The following PSD3 variants were observed in gnomAD, a reference collection of about 807,000 sequenced individuals.
The protein encoded by PSD3 is PH and SEC7 domain-containing protein 3.
A neutral mutation model predicts 105.5 loss-of-function variants in PSD3; 49 were observed. That is an observed-to-expected ratio of 0.46 (90% CI 0.37 to 0.59). The LOEUF is 0.59. Among genes scored for constraint, PSD3 ranks in the 20% least tolerant of loss-of-function variants. The probability of loss-of-function intolerance (pLI) is 0.00; values close to 1 mark genes in which losing one functional copy is unlikely to be tolerated. For synonymous variants in PSD3, 557 were observed against 457.8 expected (o/e 1.22, Z -2.77); for missense variants, 1,561 against 1,263.8 (o/e 1.24, Z -3.57).
At chr8:19,042,300 G>T (rs994068483) in intron 1 of PSD3, among the ~76,000 whole-genome samples, 1 of 152,122 alleles carries the variant, frequency 6.6e-6, no homozygotes, top group South Asian at 2.1e-4. Flanking sequence ...CTGCAAAATT[G>T]TTTCCCTTCC....
At chr8:18,972,660 G>C (rs80184240) in intron 1 of PSD3, among the ~76,000 whole-genome samples, 4,412 of 152,292 alleles carry the variant, frequency 0.029, 117 homozygotes, top group East Asian at 0.1. Flanking sequence ...CCTCATCAAT[G>C]GGATCAGTGC....
intron 4 of PSD3, among the ~76,000 whole-genome samples, chr8:18,865,661 T>C (rs1328907710): frequency 1.3e-5 from 2 of 152,006 alleles, no homozygotes; most frequent in African/African-American, 4.8e-5. Flanking sequence ...CAATCAGGAA[T>C]TGTACAGTAG....
chr8:18,749,334 T>C (rs144084150), intron 9 of PSD3, among the ~76,000 whole-genome samples: 45 of 152,326 alleles, frequency 3.0e-4, no homozygotes, highest in Non-Finnish European at 5.9e-4. Context: ...TACGTTTCAA[T>C]AGACGACAAG....
chr8:18,690,839 C>T (rs1391903568), intron 9 of PSD3, among the ~76,000 whole-genome samples: 2 of 152,218 alleles, frequency 1.3e-5, no homozygotes, highest in Non-Finnish European at 2.9e-5. Context: ...TGCCCCTTCT[C>T]AGAAAGGTCC....
At chr8:18,672,519 A>G (rs1799840731) in intron 9 of PSD3, among the ~76,000 whole-genome samples, 1 of 152,224 alleles carries the variant, frequency 6.6e-6, no homozygotes, top group Non-Finnish European at 1.5e-5. Context: ...AGTGGATAGC[A>G]GGCTTCAAAT....
At chr8:19,083,305 C>A (rs1191641409) in intron 1 of PSD3, among the ~76,000 whole-genome samples, 1 of 152,170 alleles carries the variant, frequency 6.6e-6, no homozygotes, top group African/African-American at 2.4e-5. Flanking sequence ...AACAGTGCAC[C>A]TGAGCTGGGT....
chr8:18,684,936 C>A (rs1329749843), intron 9 of PSD3, among the ~76,000 whole-genome samples: 1 of 152,232 alleles, frequency 6.6e-6, no homozygotes, highest in Non-Finnish European at 1.5e-5. Context: ...TAGCTCCTAA[C>A]ATATGAAGTG....
At chr8:18,994,399 A>G (rs947621915) in intron 1 of PSD3, among the ~76,000 whole-genome samples, 2 of 152,078 alleles carry the variant, frequency 1.3e-5, no homozygotes, top group Non-Finnish European at 2.9e-5. Flanking sequence ...AACTAACCAT[A>G]TATGCCTCAC....
intron 9 of PSD3, among the ~76,000 whole-genome samples, chr8:18,743,495 G>A (rs1029399927): frequency 2.0e-5 from 3 of 152,186 alleles, no homozygotes; most frequent in South Asian, 2.1e-4. Context: ...ACAAACAGTC[G>A]TTCTCCTTGG....
At chr8:18,554,769 G>C (rs1298047729) in intron 15 of PSD3, among the ~76,000 whole-genome samples, 1 of 152,118 alleles carries the variant, frequency 6.6e-6, no homozygotes, top group Non-Finnish European at 1.5e-5. Flanking sequence ...TAAAAAAATT[G>C]TGCCAAGTAC....
chr8:18,716,474 G>C (rs927681287), intron 9 of PSD3, among the ~76,000 whole-genome samples: 2 of 152,204 alleles, frequency 1.3e-5, no homozygotes, highest in Non-Finnish European at 2.9e-5. Context: ...ACAAAAGGCT[G>C]AGAGTGGGAA....
At chr8:19,027,818 A>G (rs1827610863) in intron 1 of PSD3, among the ~76,000 whole-genome samples, 1 of 152,222 alleles carries the variant, frequency 6.6e-6, no homozygotes, top group African/African-American at 2.4e-5. Flanking sequence ...GTATGGATAC[A>G]TAATTTGTTT....
intron 1 of PSD3, among the ~76,000 whole-genome samples, chr8:18,960,233 G>C (rs1823829885): frequency 1.3e-5 from 2 of 152,138 alleles, no homozygotes; most frequent in South Asian, 4.1e-4. Context: ...TATGAATTTT[G>C]AAAAATTATG....
chr8:18,775,061 C>T (rs1807915872), intron 8 of PSD3: 4 of 418,858 alleles, frequency 9.5e-6, no homozygotes, highest in Admixed American at 2.7e-5. Flanking sequence ...TCTCTACCTT[C>T]ATGAAATCTA....
intron 14 of PSD3, among the ~76,000 whole-genome samples, chr8:18,571,745 T>C (rs752420443): frequency 6.6e-6 from 1 of 152,216 alleles, no homozygotes; most frequent in South Asian, 2.1e-4. Flanking sequence ...TATAGGGAGC[T>C]AGTTAATACC....
rs374137788 is a variant in PSD3, at chr8:18,836,574, T to C, written c.1634+31100A>G. Among the ~76,000 whole-genome samples the C allele has an allele frequency of 7.8e-4, 119 of 152,302 alleles. 2 individuals carry two copies. In the South Asian group the frequency reaches 0.024, roughly 31 times the overall value. On this transcript the variant is annotated intron_variant, in intron 4 of 15. Transcript: ENST00000327040. Reference sequence around the variant, plus strand: ...GTTGTTTTCAGTGAATATATACATTTGTCCCGCCATATCCATGAGGGATTA... The same window carrying C: ...GTTGTTTTCAGTGAATATATACATTCGTCCCGCCATATCCATGAGGGATTA...
intron 9 of PSD3, among the ~76,000 whole-genome samples, chr8:18,721,450 T>C (rs144950357): frequency 6.6e-6 from 1 of 152,330 alleles, no homozygotes; most frequent in East Asian, 1.9e-4. Flanking sequence ...CCTTTTGTTT[T>C]TCCTTGAAGT....
In PSD3 at chr8:18,768,756, C is replaced by T. The variant is rs62498262; in HGVS notation, c.2083-3218G>A. Among the ~76,000 whole-genome samples, 954 of 152,276 alleles carry T rather than the reference C, an allele frequency of 6.3e-3. 6 individuals are homozygous for T. The highest frequency in any genetic ancestry group is 0.011 in the Non-Finnish European group (737 of 68,016). On this transcript the variant is annotated intron_variant, in intron 8 of 15. Coordinates refer to ENST00000327040, the MANE Select transcript of PSD3 (RefSeq NM_015310.4). ...TGTTTCACAAAATAAAACAATTCGT[C>T]CCATTCAAGCTGTCTAAATAGTTAC... is the stretch of plus-strand genomic sequence containing the variant.
At chr8:18,718,139 G>A (rs1802719655) in intron 9 of PSD3, among the ~76,000 whole-genome samples, 1 of 152,166 alleles carries the variant, frequency 6.6e-6, no homozygotes, top group Non-Finnish European at 1.5e-5. Flanking sequence ...ACCTCCTGGA[G>A]CAGCTGCCAC....
Sources: allele counts gnomAD v4.1 joint callset (sites outside exome capture counted in the v4.1 genomes callset), GRCh38; gene constraint gnomAD v4.1.1; transcripts MANE v1.5; gene names NCBI Gene and HGNC (gene_info 2026-07-23, HGNC 2026-07-21).